OLFML2A: variants seen among roughly 807,000 people sequenced by gnomAD.
The protein encoded by OLFML2A is olfactomedin-like protein 2A.
In OLFML2A, 47 loss-of-function variants were observed where a neutral mutation model predicts 60.9. The observed-to-expected ratio is 0.77, with a 90% CI of 0.61 to 0.98. OLFML2A has a LOEUF of 0.98. Ranked by LOEUF, OLFML2A falls within the 50% of genes least tolerant of loss-of-function variation. The pLI is 0.00. For missense variants in OLFML2A, 922 were observed against 879.8 expected (o/e 1.05, Z -0.61); for synonymous variants, 372 against 375.0 (o/e 0.99, Z 0.09).
At chr9:124,802,456 C>G (rs1841796292) in intron 5 of OLFML2A, among the ~76,000 whole-genome samples, 1 of 152,244 alleles carries the variant, frequency 6.6e-6, no homozygotes, top group African/African-American at 2.4e-5. Context: ...AGTCAGGGAC[C>G]AGGCTCCTTT....
intron 3 of OLFML2A, 66 bp from the exon 4 acceptor site, chr9:124,799,219 C>T: frequency 8.6e-7 from 1 of 1,162,656 alleles, no homozygotes; most frequent in Non-Finnish European, 1.3e-6. Context: ...GCTGGGGTGT[C>T]CCTCCAGGCT....
chr9:124,805,371 G>C (rs1361650514), intron 6 of OLFML2A, among the ~76,000 whole-genome samples: 1 of 152,162 alleles, frequency 6.6e-6, no homozygotes, highest in Non-Finnish European at 1.5e-5. Context: ...ATAACACGAA[G>C]GGCTGACATG....
At chr9:124,784,752 G>A (rs74874325) in intron 1 of OLFML2A, among the ~76,000 whole-genome samples, 2,109 of 151,922 alleles carry the variant, frequency 0.014, 29 homozygotes, top group African/African-American at 0.038. Context: ...CCCCATTTCC[G>A]TCTCTCTCTA....
chr9:124,786,798 A>G (rs1390177981), intron 1 of OLFML2A, among the ~76,000 whole-genome samples, 177 bp from the exon 2 acceptor site: 3 of 136,536 alleles, frequency 2.2e-5, no homozygotes, highest in Non-Finnish European at 4.7e-5. Context: ...ACACACACAC[A>G]GAGTTGTTAT....
intron 5 of OLFML2A, among the ~76,000 whole-genome samples, chr9:124,802,847 G>C (rs1841807039): frequency 6.6e-6 from 1 of 152,202 alleles, no homozygotes; most frequent in Non-Finnish European, 1.5e-5. Context: ...CTGACCAGGA[G>C]GTCCCCTGGG....
intron 6 of OLFML2A, among the ~76,000 whole-genome samples, chr9:124,804,616 C>T (rs1179118198): frequency 6.6e-6 from 1 of 151,626 alleles, no homozygotes; most frequent in Non-Finnish European, 1.5e-5. Flanking sequence ...CCCAGCTACT[C>T]GGGAGGCTGA....
intron 2 of OLFML2A, among the ~76,000 whole-genome samples, chr9:124,792,175 C>T (rs1841581126): frequency 6.6e-6 from 1 of 152,250 alleles, no homozygotes; most frequent in Admixed American, 6.5e-5. Context: ...CTGTGTGGCA[C>T]TACCTGTGCC....
intron 6 of OLFML2A, among the ~76,000 whole-genome samples, chr9:124,804,916 T>G (rs1017410551): frequency 6.6e-6 from 1 of 152,004 alleles, no homozygotes; most frequent in African/African-American, 2.4e-5. Flanking sequence ...ACTACCAGGC[T>G]GGTCTCTAAC....
At chr9:124,794,365 C>A (rs60550223) in intron 2 of OLFML2A, among the ~76,000 whole-genome samples, 3,613 of 152,318 alleles carry the variant, frequency 0.024, 118 homozygotes, top group East Asian at 0.095. Flanking sequence ...GGCACAAAAT[C>A]TAGTAAGAGG....
rs768206285 is a variant in OLFML2A, at chr9:124,810,735, T to C, written c.*323T>C. ...CACCGTCCCTTGCCTAACACCTCAGTTGTGATCAGGCAGGCTGTGCTCTCA... is the reference window on the plus strand; with the variant it reads ...CACCGTCCCTTGCCTAACACCTCAGCTGTGATCAGGCAGGCTGTGCTCTCA... On this transcript the variant is annotated 3_prime_UTR_variant, in exon 8 of 8. Coordinates refer to ENST00000373580, the MANE Select transcript of OLFML2A (RefSeq NM_182487.4). 2.3e-5 allele frequency: 8 copies of C among 349,700 alleles called. No homozygotes were observed. Among genetic ancestry groups the C allele is most frequent in the Admixed American group, 8.9e-5 (2 of 22,472 alleles). 21.7% of individuals were successfully genotyped at this position (349,700 alleles called of 1,614,324 possible).
chr9:124,805,590 C>T (rs1409471495), intron 6 of OLFML2A, among the ~76,000 whole-genome samples: 1 of 151,956 alleles, frequency 6.6e-6, no homozygotes, highest in African/African-American at 2.4e-5. Context: ...GGAAATGCCA[C>T]ATGTTTAAAT....
intron 5 of OLFML2A, among the ~76,000 whole-genome samples, chr9:124,803,509 C>G (rs1025369928): frequency 2.0e-5 from 3 of 152,080 alleles, no homozygotes; most frequent in African/African-American, 7.2e-5. Flanking sequence ...AAGCGATCTG[C>G]CGGCCTCAGC....
intron 3 of OLFML2A, among the ~76,000 whole-genome samples, chr9:124,798,665 C>T (rs563159960): frequency 1.3e-5 from 2 of 149,298 alleles, no homozygotes; most frequent in African/African-American, 2.5e-5. Context: ...GAAACCGTGT[C>T]TCTATTAAAA....
chr9:124,807,102 T>C (rs1488756066), intron 6 of OLFML2A, among the ~76,000 whole-genome samples: 1 of 150,956 alleles, frequency 6.6e-6, no homozygotes, highest in African/African-American at 2.4e-5. Context: ...TTTTTTTTTT[T>C]TTGTAGAGAG....
Position 124,800,808 on chromosome 9 carries a change from C to T in OLFML2A, c.670-606C>T. The T allele has an allele frequency of 5.2e-6, 7 of 1,335,024 alleles. No homozygotes were observed. The South Asian group carries it at 7.4e-5, about 14-fold the overall frequency. 82.7% of individuals were successfully genotyped at this position (1,335,024 alleles called of 1,614,324 possible). A position where few individuals can be genotyped will look rare whatever the true frequency, so the allele number is the denominator to read the frequency against. ...ATGTCACAGGCCCTGTGTTCTTGTG[C>T]CAAGCCAGCATCGGAGGCATTTAAA... On this transcript the variant is annotated intron_variant, in intron 4 of 7. Coordinates refer to ENST00000373580, the MANE Select transcript of OLFML2A (RefSeq NM_182487.4).
chr9:124,786,515 C>A (rs1021507520), intron 1 of OLFML2A, among the ~76,000 whole-genome samples: 4 of 151,702 alleles, frequency 2.6e-5, no homozygotes, highest in African/African-American at 9.7e-5. Context: ...GGTTAGGAGA[C>A]CAAGACCATC....
intron 4 of OLFML2A, chr9:124,801,122 C>T: frequency 6.9e-7 from 1 of 1,456,822 alleles, no homozygotes; most frequent in Non-Finnish European, 9.4e-7. Flanking sequence ...TCCTTCTAGC[C>T]TGCCCCCCAG....
intron 6 of OLFML2A, among the ~76,000 whole-genome samples, chr9:124,807,058 C>G (rs10986431): frequency 6.6e-6 from 1 of 151,324 alleles, no homozygotes; most frequent in African/African-American, 2.4e-5. Context: ...GGACTACAGG[C>G]GCACACCACT....
At position 124,811,674 on chromosome 9, in the gene OLFML2A, C is replaced by G. The variant is rs570640589; in HGVS notation, c.*1262C>G. The G allele has an allele frequency of 5.9e-5, 9 of 152,254 alleles. No individual in the cohort carries two copies. The highest frequency in any genetic ancestry group is 1.0e-4 in the Non-Finnish European group (7 of 68,084). The allele number at this position is 152,254 out of a possible 1,614,324, so 9.4% of individuals were successfully genotyped here. ...AGACTGGACTTTTCCTGGCTCGACC[C>G]AGGACTTGGGTTGAGGATGCACGGG... On this transcript the variant is annotated 3_prime_UTR_variant, in exon 8 of 8. Coordinates refer to ENST00000373580, the MANE Select transcript of OLFML2A (RefSeq NM_182487.4).
Sources: gnomAD v4.1 joint callset for allele counts (sites outside exome capture counted in the v4.1 genomes callset) on GRCh38, gnomAD v4.1.1 for gene constraint, MANE v1.5 for transcripts, NCBI Gene and HGNC (gene_info 2026-07-23, HGNC 2026-07-21) for gene names.